The following C5orf63 variants were observed in gnomAD, a reference collection of about 807,000 sequenced individuals.
C5orf63 encodes glutaredoxin-like protein C5orf63.
In C5orf63, 18 loss-of-function variants were observed where a neutral mutation model predicts 13.3. The observed-to-expected ratio is 1.36, with a 90% CI of 0.94 to 2.01. The LOEUF is 2.01. C5orf63 is among the 30% of genes most tolerant of loss of function. The pLI, the probability that C5orf63 is intolerant of heterozygous loss-of-function variation, is 0.00. For missense variants in C5orf63, 118 were observed against 127.7 expected (o/e 0.92, Z 0.36); for synonymous variants, 38 against 44.7 (o/e 0.85, Z 0.60).
At chr5:127,053,089 G>C (rs1580525168) in intron 3 of C5orf63, among the ~76,000 whole-genome samples, 1 of 152,196 alleles carries the variant, frequency 6.6e-6, no homozygotes, top group Non-Finnish European at 1.5e-5. Context: ...ACTGAGCCTT[G>C]CCAGCCTGTT....
chr5:127,051,224 A>T, downstream of C5orf63: 1 of 945,940 alleles, frequency 1.1e-6, no homozygotes, highest in Non-Finnish European at 1.4e-6. Flanking sequence ...TAGGATAATA[A>T]TTCTCTTCTA....
chr5:127,058,906 C>G lies in C5orf63; in HGVS notation c.90G>C (p.Leu30=). ...CCTTTGTGAATAAGGTCAACACAGG[C>G]AGAGTTGTCTTAGAGGCAGAGCAAT... ...LRNCSASKTT[L]PVLTLFTKDP... is the part of the protein sequence containing the mutation. The change falls in exon 3 of 5, where the codon CTG becomes CTC. Residue 30 remains leucine (L), a synonymous_variant. Coordinates refer to ENST00000296662, the MANE Select transcript of C5orf63 (RefSeq NM_001164478.2). 6.5e-7 allele frequency: 1 copy of G among 1,536,390 alleles called. No individual in the cohort carries two copies. The highest frequency in any genetic ancestry group is 8.7e-7 in the Non-Finnish European group (1 of 1,146,170).
chr5:127,043,763 T>C (rs559145676), downstream of C5orf63: 1 of 152,364 alleles, frequency 6.6e-6, no homozygotes, highest in Admixed American at 6.5e-5. Context: ...ATTAAATTCA[T>C]AACAAAGAAC....
At chr5:127,046,641 G>C (rs1753526625), downstream of C5orf63, 1 of 152,238 alleles carries the variant, frequency 6.6e-6, no homozygotes, top group Admixed American at 6.5e-5. Flanking sequence ...TAGCCAGTTG[G>C]CCCAGGGATA....
At position 127,071,674 on chromosome 5, in the gene C5orf63, T is replaced by G. The variant is rs954788128; in HGVS notation, c.-98A>C. ...ATTCCAGCTGGCTTTTGGCTTCCTC[T>G]GATGTACAGTCCTTGAATAAAGCAG... On this transcript the variant is annotated 5_prime_UTR_variant, in exon 2 of 5. Transcript: ENST00000296662. 20 of 152,332 alleles carry G rather than the reference T, an allele frequency of 1.3e-4. No individual in the cohort carries two copies. Among genetic ancestry groups the G allele is most frequent in the African/African-American group, 4.8e-4 (20 of 41,580 alleles). The allele number at this position is 152,332 out of a possible 1,614,324, so 9.4% of individuals were successfully genotyped here.
At chr5:127,055,538 A>G (rs1172956946) in intron 3 of C5orf63, among the ~76,000 whole-genome samples, 3 of 152,196 alleles carry the variant, frequency 2.0e-5, no homozygotes, top group African/African-American at 4.8e-5. Context: ...AGCTTAACTC[A>G]CAGCTTGTTT....
intron 2 of C5orf63, among the ~76,000 whole-genome samples, chr5:127,067,058 T>G (rs1426724114): frequency 2.0e-5 from 3 of 152,198 alleles, no homozygotes; most frequent in Non-Finnish European, 4.4e-5. Flanking sequence ...ATGAAATCTT[T>G]CAACCAATGC....
At chr5:127,053,069 A>C (rs1385222126) in intron 3 of C5orf63, among the ~76,000 whole-genome samples, 3 of 152,172 alleles carry the variant, frequency 2.0e-5, no homozygotes, top group African/African-American at 7.2e-5. Flanking sequence ...GTCTGCTCTG[A>C]CTGAAAAGCA....
At chr5:127,054,745 A>C (rs1753811552) in intron 3 of C5orf63, among the ~76,000 whole-genome samples, 1 of 152,100 alleles carries the variant, frequency 6.6e-6, no homozygotes, top group Non-Finnish European at 1.5e-5. Flanking sequence ...GTTTAATTAG[A>C]TCCAGTTAGC....
At chr5:127,057,695 A>G (rs1398219231) in intron 3 of C5orf63, among the ~76,000 whole-genome samples, 1 of 152,198 alleles carries the variant, frequency 6.6e-6, no homozygotes. Flanking sequence ...CAGTTACCCA[A>G]AGCATTCATT....
downstream of C5orf63, chr5:127,047,180 T>C (rs1424796404): frequency 6.5e-6 from 1 of 153,760 alleles, no homozygotes; most frequent in Non-Finnish European, 1.4e-5. Flanking sequence ...ACTATTCCAC[T>C]CCTTCATAAG....
rs931504291 is a variant in C5orf63, at chr5:127,059,188, C to T, written c.-7-186G>A. ...TGATGCCTCAACATTCATTGTATTCCGAACGAAACAGAATTTAGAATAGAA... is the reference window on the plus strand; with the variant it reads ...TGATGCCTCAACATTCATTGTATTCTGAACGAAACAGAATTTAGAATAGAA... On this transcript the variant is annotated intron_variant, in intron 2 of 4. Transcript: ENST00000296662. Among the ~76,000 whole-genome samples the T allele has an allele frequency of 3.9e-5, 6 of 152,024 alleles. No individual in the cohort carries two copies. The South Asian group carries it at 8.3e-4, about 21-fold the overall frequency.
intron 2 of C5orf63, among the ~76,000 whole-genome samples, chr5:127,065,154 A>T (rs1171164835): frequency 1.3e-5 from 2 of 152,210 alleles, no homozygotes; most frequent in African/African-American, 4.8e-5. Context: ...TAACTAAAAC[A>T]ATAAAGTTTT....
chr5:127,049,617 T>C (rs1299638925), downstream of C5orf63, among the ~76,000 whole-genome samples: 1 of 152,230 alleles, frequency 6.6e-6, no homozygotes, highest in Non-Finnish European at 1.5e-5. Context: ...TATGATTTAT[T>C]CATTTCTGTA....
chr5:127,059,072 T>C, intron 2 of C5orf63, 70 bp from the exon 3 acceptor site: 1 of 900,708 alleles, frequency 1.1e-6, no homozygotes, highest in South Asian at 1.5e-5. Context: ...TGGACAGTAA[T>C]TTCCAAGCTT....
chr5:127,042,709 A>G (rs1198949227), downstream of C5orf63: 1 of 152,262 alleles, frequency 6.6e-6, no homozygotes, highest in African/African-American at 2.4e-5. Flanking sequence ...ATTCAAAATA[A>G]TAATGAAGAC....
intron 3 of C5orf63, among the ~76,000 whole-genome samples, chr5:127,053,884 C>T (rs989700886): frequency 6.6e-6 from 1 of 152,266 alleles, no homozygotes; most frequent in South Asian, 2.1e-4. Flanking sequence ...AACAGTGTCG[C>T]AATAAACATA....
At chr5:127,051,995 T>G in intron 4 of C5orf63, 48 bp from the exon 5 acceptor site, 1 of 1,352,404 alleles carries the variant, frequency 7.4e-7, no homozygotes, top group South Asian at 1.7e-5. Flanking sequence ...CATGGGGTGA[T>G]GTAACAACTG....
exon 5 of C5orf63, chr5:127,046,254 TA>T (rs1464854574): frequency 1.3e-5 from 2 of 152,260 alleles, no homozygotes; most frequent in Non-Finnish European, 2.9e-5. Context: ...CCTCAGGGAA[TA>T]AAAAGTATCA....
Sources: gnomAD v4.1 joint callset for allele counts (sites outside exome capture counted in the v4.1 genomes callset) on GRCh38, gnomAD v4.1.1 for gene constraint, MANE v1.5 for transcripts, NCBI Gene and HGNC (gene_info 2026-07-23, HGNC 2026-07-21) for gene names.